Variants in EGFR observed in about 807,000 individuals in gnomAD.
The protein encoded by EGFR is avian erythroblastic leukemia viral (v-erb-b) oncogene homolog.
In EGFR, 58 loss-of-function variants were observed where a neutral mutation model predicts 143.0. The ratio of observed to expected loss-of-function variants is 0.41; its 90% CI spans 0.33 to 0.50. EGFR has a LOEUF of 0.50. Ranked by LOEUF, EGFR falls within the 20% of genes least tolerant of loss-of-function variation. EGFR has a pLI of 0.39. For synonymous variants in EGFR, 613 were observed against 594.4 expected (o/e 1.03, Z -0.45); for missense variants, 1,307 against 1,579.0 (o/e 0.83, Z 2.92).
intron 1 of EGFR, among the ~76,000 whole-genome samples, chr7:55,069,813 A>T (rs1025708658): frequency 3.3e-5 from 5 of 152,170 alleles, no homozygotes; most frequent in Non-Finnish European, 4.4e-5. Flanking sequence ...GAACCCCCAT[A>T]GTTACCTAAC....
chr7:55,086,673 G>T (rs147707964), intron 1 of EGFR, among the ~76,000 whole-genome samples: 1 of 152,224 alleles, frequency 6.6e-6, no homozygotes, highest in Non-Finnish European at 1.5e-5. Flanking sequence ...AGGTGGCCAC[G>T]CTTAGGTCGC....
chr7:55,092,711 T>C (rs1791199585), intron 1 of EGFR, among the ~76,000 whole-genome samples: 1 of 152,246 alleles, frequency 6.6e-6, no homozygotes, highest in Non-Finnish European at 1.5e-5. Context: ...CCGAGCACCA[T>C]GACAGGCAGA....
chr7:55,135,956 A>T (rs900158088), intron 1 of EGFR, among the ~76,000 whole-genome samples: 1 of 152,170 alleles, frequency 6.6e-6, no homozygotes, highest in Non-Finnish European at 1.5e-5. Flanking sequence ...CATGGTCACT[A>T]TGGAAAACAT....
intron 7 of EGFR, 59 bp downstream of exon 7, chr7:55,154,211 C>T (rs1785297591): frequency 3.1e-6 from 5 of 1,608,864 alleles, no homozygotes; most frequent in East Asian, 2.2e-5. Flanking sequence ...GCTCTGTCTC[C>T]TGCTGAGCCC....
At chr7:55,168,076 A>G (rs1786158131) in intron 15 of EGFR, among the ~76,000 whole-genome samples, 1 of 152,204 alleles carries the variant, frequency 6.6e-6, no homozygotes, top group Admixed American at 6.5e-5. Flanking sequence ...CCTGGGAACA[A>G]TGTAAGATTC....
intron 19 of EGFR, among the ~76,000 whole-genome samples, chr7:55,178,527 G>A (rs62457092): frequency 0.25 from 38,212 of 152,016 alleles, 5,607 homozygotes; most frequent in East Asian, 0.61. Flanking sequence ...CAGGAGACCT[G>A]GTTGTGGGCC....
intron 1 of EGFR, among the ~76,000 whole-genome samples, chr7:55,056,230 A>G (rs1420642842): frequency 1.3e-5 from 2 of 152,198 alleles, no homozygotes; most frequent in Non-Finnish European, 2.9e-5. Context: ...AATTGAAGTA[A>G]AATGGATAGT....
chr7:55,089,232 C>G (rs952502445), intron 1 of EGFR, among the ~76,000 whole-genome samples: 1 of 152,078 alleles, frequency 6.6e-6, no homozygotes, highest in Non-Finnish European at 1.5e-5. Context: ...CATGTAATGG[C>G]TCCCTCATCT....
chr7:55,110,020 A>G (rs1034873252), intron 1 of EGFR: 29 of 887,266 alleles, frequency 3.3e-5, no homozygotes, highest in South Asian at 3.1e-4. Context: ...ATAAACACAC[A>G]GTGTATGTTG....
intron 1 of EGFR, among the ~76,000 whole-genome samples, chr7:55,075,113 G>T (rs1790058887): frequency 6.6e-6 from 1 of 152,006 alleles, no homozygotes; most frequent in Non-Finnish European, 1.5e-5. Flanking sequence ...TCAGTGGGCA[G>T]CCAGGGCCAG....
At chr7:55,057,295 G>A (rs917320519) in intron 1 of EGFR, among the ~76,000 whole-genome samples, 1 of 152,236 alleles carries the variant, frequency 6.6e-6, no homozygotes, top group African/African-American at 2.4e-5. Context: ...GGGACGGGCA[G>A]TTGTGAGTAA....
At chr7:55,067,457 G>A (rs984544343) in intron 1 of EGFR, among the ~76,000 whole-genome samples, 9 of 151,440 alleles carry the variant, frequency 5.9e-5, no homozygotes, top group African/African-American at 2.2e-4. Flanking sequence ...TGGTAAATGA[G>A]GTGAGAAGCT....
At position 55,151,268 on chromosome 7, in the gene EGFR, A is replaced by G. The variant is rs745363899; in HGVS notation, c.560-26A>G. ...CAGTTTCTCATCATTTCACTGAGATATGCATCTATTACTTTTACATTTCAG... is the reference window on the plus strand; with the variant it reads ...CAGTTTCTCATCATTTCACTGAGATGTGCATCTATTACTTTTACATTTCAG... On this transcript the variant is annotated intron_variant, in intron 4 of 27. Coordinates refer to ENST00000275493, the MANE Select transcript of EGFR (RefSeq NM_005228.5). 1.9e-6 allele frequency: 3 copies of G among 1,611,614 alleles called. No homozygotes were observed. The South Asian group carries it at 3.3e-5, about 18-fold the overall frequency.
chr7:55,151,395 G>GA (rs1451003740), intron 5 of EGFR, 33 bp downstream of exon 5: 1 of 1,608,954 alleles, frequency 6.2e-7, no homozygotes, highest in Non-Finnish European at 8.5e-7. Context: ...ACCCATGTGT[G>GA]ACCGCCCCTC....
At chr7:55,049,811 G>A (rs1202843794) in intron 1 of EGFR, among the ~76,000 whole-genome samples, 4 of 152,170 alleles carry the variant, frequency 2.6e-5, no homozygotes, top group Non-Finnish European at 5.9e-5. Flanking sequence ...GATTGCATGG[G>A]GGGCACATTC....
chr7:55,055,723 CCACA>C (rs34074299), intron 1 of EGFR, among the ~76,000 whole-genome samples: 3 of 148,232 alleles, frequency 2.0e-5, no homozygotes, highest in South Asian at 2.1e-4. Context: ...CACACACACA[CCACA>C]CACACACACA....
chr7:55,159,336 T>C (rs922918134), intron 11 of EGFR, among the ~76,000 whole-genome samples: 7 of 152,080 alleles, frequency 4.6e-5, no homozygotes, highest in Non-Finnish European at 8.8e-5. Context: ...GTGGTTCTCA[T>C]GTCCACCGCG....
chr7:55,088,974 A>G (rs1790936361), intron 1 of EGFR, among the ~76,000 whole-genome samples: 1 of 152,186 alleles, frequency 6.6e-6, no homozygotes, highest in South Asian at 2.1e-4. Flanking sequence ...AGAGGGTAAA[A>G]AGCAAGAACC....
At chr7:55,034,493 G>T (rs1787445133) in intron 1 of EGFR, among the ~76,000 whole-genome samples, 1 of 152,286 alleles carries the variant, frequency 6.6e-6, no homozygotes, top group Admixed American at 6.5e-5. Flanking sequence ...TGCAGGAATT[G>T]CTTGATTCAC....
Sources: gnomAD v4.1 joint callset for allele counts (sites outside exome capture counted in the v4.1 genomes callset) on GRCh38, gnomAD v4.1.1 for gene constraint, MANE v1.5 for transcripts, NCBI Gene and HGNC (gene_info 2026-07-23, HGNC 2026-07-21) for gene names.